Variants in FLRT2 observed in about 807,000 individuals in gnomAD.
The protein encoded by FLRT2 is leucine-rich repeat transmembrane protein FLRT2.
In FLRT2, 15 loss-of-function variants were observed where a neutral mutation model predicts 40.0. That is an observed-to-expected ratio of 0.38 (90% CI 0.25 to 0.58). The LOEUF (loss-of-function observed/expected upper bound fraction) is 0.58. Ranked by LOEUF, FLRT2 falls within the 20% of genes least tolerant of loss-of-function variation. The pLI, the probability that FLRT2 is intolerant of heterozygous loss-of-function variation, is 0.71. For synonymous variants in FLRT2, 380 were observed against 336.8 expected, an observed-to-expected ratio of 1.13 and a Z score of -1.41; for missense variants, 726 against 840.0, an observed-to-expected ratio of 0.86 and a Z score of 1.68.
rs1413225043 is a variant in FLRT2 at position 85,635,266 on chromosome 14, T to C, written c.*11769T>C. 6.6e-6 allele frequency: 1 copy of C among 152,140 alleles called. No homozygotes were observed. Among genetic ancestry groups the C allele is most frequent in the African/African-American group, 2.4e-5 (1 of 41,438 alleles). 9.4% of individuals were successfully genotyped at this position (152,140 alleles called of 1,614,324 possible). A position where few individuals can be genotyped will look rare whatever the true frequency, so the allele number is the denominator to read the frequency against. The stretch of plus-strand genomic sequence containing the variant: ...AATGAGGTACTAATACTTTTAAGGA[T>C]TTGATGAGATAATTTATATCATCTT... On this transcript the variant is annotated 3_prime_UTR_variant, in exon 2 of 2. Coordinates refer to ENST00000330753, the MANE Select transcript of FLRT2 (RefSeq NM_013231.6).
At chr14:85,575,817 C>T (rs916642565) in intron 1 of FLRT2, among the ~76,000 whole-genome samples, 2 of 152,140 alleles carry the variant, frequency 1.3e-5, no homozygotes, top group Non-Finnish European at 2.9e-5. Context: ...AATGCCTTCA[C>T]GTCTGTGTGT....
rs187663469 is a variant in FLRT2 at position 85,582,324 on chromosome 14, C to T, written c.-376-38815C>T. 2.5e-3 allele frequency among the ~76,000 whole-genome samples: 375 copies of T among 152,150 alleles called. 1 individual carries two copies. Among genetic ancestry groups the T allele is most frequent in the African/African-American group, 8.1e-3 (337 of 41,498 alleles). On this transcript the variant is annotated intron_variant, in intron 1 of 1. Transcript: ENST00000330753. ...AATTTAGGAACCTCTGTGAAAGTGA[C>T]GGAAAGCTTGAATGGAGACCCTAAG...
At chr14:85,576,688 T>A (rs1322745693) in intron 1 of FLRT2, among the ~76,000 whole-genome samples, 1 of 152,256 alleles carries the variant, frequency 6.6e-6, no homozygotes, top group Non-Finnish European at 1.5e-5. Flanking sequence ...CTGTTTGTCC[T>A]ATTTGTTTTC....
rs973078650 is a variant in FLRT2 at position 85,631,648 on chromosome 14, A to G, written c.*8151A>G. 8.5e-5 allele frequency: 13 copies of G among 152,146 alleles called. No individual in the cohort carries two copies. Among genetic ancestry groups the G allele is most frequent in the Admixed American group, 3.9e-4 (6 of 15,270 alleles). The allele number at this position is 152,146 out of a possible 1,614,324, so 9.4% of individuals were successfully genotyped here. ...GCGTTTTACAAGAACAAACAAACAT[A>G]TATATTTTCCTTAAAATCTCTTGAT... On this transcript the variant is annotated 3_prime_UTR_variant, in exon 2 of 2. Coordinates refer to ENST00000330753, the MANE Select transcript of FLRT2 (RefSeq NM_013231.6).
At chr14:85,588,810 A>C (rs977192941) in intron 1 of FLRT2, among the ~76,000 whole-genome samples, 3 of 151,970 alleles carry the variant, frequency 2.0e-5, no homozygotes, top group African/African-American at 7.3e-5. Flanking sequence ...TTTCTATTCT[A>C]TATGTCTATG....
chr14:85,607,644 GT>G (rs768636894), intron 1 of FLRT2, among the ~76,000 whole-genome samples: 35 of 152,178 alleles, frequency 2.3e-4, no homozygotes, highest in Non-Finnish European at 4.6e-4. Flanking sequence ...TTACAAACAA[GT>G]TTTTGCTTTG....
At chr14:85,552,381 A>G (rs929006815) in intron 1 of FLRT2, among the ~76,000 whole-genome samples, 2 of 152,222 alleles carry the variant, frequency 1.3e-5, no homozygotes, top group South Asian at 2.1e-4. Flanking sequence ...AAGAGTTGCC[A>G]TGAGGATTAA....
At chr14:85,617,353 G>A (rs1431831810) in intron 1 of FLRT2, among the ~76,000 whole-genome samples, 2 of 152,032 alleles carry the variant, frequency 1.3e-5, no homozygotes, top group African/African-American at 4.8e-5. Flanking sequence ...GTATTATTTT[G>A]TTTAACCCTG....
At chr14:85,587,643 T>C (rs1031206327) in intron 1 of FLRT2, among the ~76,000 whole-genome samples, 3 of 151,942 alleles carry the variant, frequency 2.0e-5, no homozygotes, top group Admixed American at 2.0e-4. Flanking sequence ...AGCAGACACA[T>C]GTAAGCGGCC....
At chr14:85,580,814 G>A (rs1891353913) in intron 1 of FLRT2, among the ~76,000 whole-genome samples, 2 of 152,060 alleles carry the variant, frequency 1.3e-5, no homozygotes, top group South Asian at 2.1e-4. Context: ...TTCCTCTGGG[G>A]TTTTACTTAT....
rs2139384713 is a variant in FLRT2 at position 85,630,919 on chromosome 14, A to T, written c.*7422A>T. On this transcript the variant is annotated 3_prime_UTR_variant, in exon 2 of 2. Coordinates refer to ENST00000330753, the MANE Select transcript of FLRT2 (RefSeq NM_013231.6). The stretch of plus-strand genomic sequence containing the variant: ...GGACAAAGGGTAATCATAATCTATA[A>T]GGAATGCCTGAGTACGATACTGCAG... The T allele has an allele frequency of 6.6e-6, 1 of 151,900 alleles. No individual in the cohort carries two copies. Among genetic ancestry groups the T allele is most frequent in the East Asian group, 1.9e-4 (1 of 5,130 alleles). The allele number at this position is 151,900 out of a possible 1,614,324, so 9.4% of individuals were successfully genotyped here. A position where few individuals can be genotyped will look rare whatever the true frequency, so the allele number is the denominator to read the frequency against.
At chr14:85,549,666 A>G (rs954101244) in intron 1 of FLRT2, among the ~76,000 whole-genome samples, 4 of 152,208 alleles carry the variant, frequency 2.6e-5, no homozygotes, top group Non-Finnish European at 4.4e-5. Flanking sequence ...GTAGAGAAAA[A>G]ATAATACTCA....
chr14:85,643,339 C>CT lies in FLRT2; in HGVS notation c.*19845dup, dbSNP rs1372690469. On this transcript the variant is annotated 3_prime_UTR_variant, in exon 2 of 2. Coordinates refer to ENST00000330753, the MANE Select transcript of FLRT2 (RefSeq NM_013231.6). ...TCTTTCTTTCTTTCTTTCTTTCTTT[C>CT]TTTCTTTCTTTCTTTCTTCCTTCCT... is the stretch of plus-strand genomic sequence containing the variant. 1.8e-5 allele frequency: 2 copies of CT among 110,182 alleles called. No homozygotes were observed. The highest frequency in any genetic ancestry group is 3.6e-5 in the Non-Finnish European group (2 of 54,974). The allele number at this position is 110,182 out of a possible 1,614,324, so 6.8% of individuals were successfully genotyped here. A position where few individuals can be genotyped will look rare whatever the true frequency, so the allele number is the denominator to read the frequency against.
rs1396416770 is a variant in FLRT2, at chr14:85,642,919, A to G, written c.*19422A>G. 1 of 152,214 alleles carries G rather than the reference A, an allele frequency of 6.6e-6. No individual in the cohort carries two copies. Among genetic ancestry groups the G allele is most frequent in the Non-Finnish European group, 1.5e-5 (1 of 68,048 alleles). 9.4% of individuals were successfully genotyped at this position (152,214 alleles called of 1,614,324 possible). On this transcript the variant is annotated 3_prime_UTR_variant, in exon 2 of 2. Coordinates refer to ENST00000330753, the MANE Select transcript of FLRT2 (RefSeq NM_013231.6). Reference sequence around the variant, plus strand: ...AAAAATACCATAGACTGAGTGGCTTAAACAATAAACATTTATTACTTCCAA... The same window carrying G: ...AAAAATACCATAGACTGAGTGGCTTGAACAATAAACATTTATTACTTCCAA...
chr14:85,557,874 T>G (rs1173012007), intron 1 of FLRT2, among the ~76,000 whole-genome samples: 1 of 152,086 alleles, frequency 6.6e-6, no homozygotes, highest in African/African-American at 2.4e-5. Context: ...AAAAGACACT[T>G]CTCAGAGCTA....
At chr14:85,571,071 T>C (rs900398630) in intron 1 of FLRT2, among the ~76,000 whole-genome samples, 2 of 152,150 alleles carry the variant, frequency 1.3e-5, no homozygotes, top group Non-Finnish European at 2.9e-5. Context: ...AGGGTCCTGG[T>C]AACATTCTGA....
At chr14:85,567,302 C>A (rs1890668175) in intron 1 of FLRT2, among the ~76,000 whole-genome samples, 1 of 152,148 alleles carries the variant, frequency 6.6e-6, no homozygotes, top group Admixed American at 6.5e-5. Flanking sequence ...TCCAAAGATA[C>A]CTGGAATCTC....
chr14:85,557,597 G>A (rs1890049300), intron 1 of FLRT2, among the ~76,000 whole-genome samples: 1 of 152,058 alleles, frequency 6.6e-6, no homozygotes, highest in East Asian at 1.9e-4. Context: ...GATCACCAGA[G>A]GTCAGGAGTT....
chr14:85,536,172 T>C (rs1190945524), intron 1 of FLRT2, among the ~76,000 whole-genome samples: 1 of 152,108 alleles, frequency 6.6e-6, no homozygotes, highest in African/African-American at 2.4e-5. Context: ...TGATGCCCGT[T>C]ACATTTATAT....
Sources: gnomAD v4.1 joint callset for allele counts (sites outside exome capture counted in the v4.1 genomes callset) on GRCh38, gnomAD v4.1.1 for gene constraint, MANE v1.5 for transcripts, NCBI Gene and HGNC (gene_info 2026-07-23, HGNC 2026-07-21) for gene names.